Variants in MATN2 observed in about 807,000 individuals in gnomAD.
MATN2 encodes the protein matrilin 2.
In MATN2, 69 loss-of-function variants were observed where a neutral mutation model predicts 103.2. The ratio of observed to expected loss-of-function variants is 0.67; its 90% CI spans 0.55 to 0.82. The LOEUF is 0.82. MATN2 is among the 40% of genes least tolerant of loss of function. The pLI is 0.00. For missense variants in MATN2, 1,023 were observed against 1,211.5 expected, an observed-to-expected ratio of 0.84 and a Z score of 2.31; for synonymous variants, 429 against 450.2, an observed-to-expected ratio of 0.95 and a Z score of 0.60.
chr8:97,888,031 C>T lies in MATN2; in HGVS notation c.-26-44C>T, dbSNP rs913521366. 31 of 1,560,568 alleles carry T rather than the reference C, an allele frequency of 2.0e-5. No individual in the cohort carries two copies. The East Asian group carries it at 4.4e-4, about 22-fold the overall frequency. On this transcript the variant is annotated intron_variant, in intron 1 of 18. Transcript: ENST00000254898. ...GCAGCTCCTGGAGTTCAGGGAGACC[C>T]GGAAATCTCACCCTGCCCTCTTCTT...
chr8:98,003,873 GC>G, intron 8 of MATN2, 90 bp downstream of exon 8: 1 of 1,484,268 alleles, frequency 6.7e-7, no homozygotes, highest in Non-Finnish European at 9.3e-7. Context: ...TATTTCTGGA[GC>G]CCACCGGGTT....
intron 2 of MATN2, among the ~76,000 whole-genome samples, chr8:97,901,730 T>C (rs1054987923): frequency 6.6e-6 from 1 of 152,186 alleles, no homozygotes; most frequent in Non-Finnish European, 1.5e-5. Context: ...TTGGTACAAA[T>C]TCCACGGCCT....
At chr8:98,024,674 G>A (rs1372909476) in intron 13 of MATN2, among the ~76,000 whole-genome samples, 1 of 152,260 alleles carries the variant, frequency 6.6e-6, no homozygotes, top group Admixed American at 6.5e-5. Context: ...TAAAGAGGAT[G>A]TAAGCAACAG....
chr8:98,005,594 C>T lies in MATN2; in HGVS notation c.1328-1511C>T, dbSNP rs1586148625. ...GGATCTAGTCAACTCTAAGAAAGTA[C>T]AAACCAAGCTGTTTCTGTCTCGCAG... On this transcript the variant is annotated intron_variant, in intron 8 of 18. Transcript: ENST00000254898. The surrounding 1 kb of genome is among the most constrained non-coding windows in gnomAD (Gnocchi z 4.6). 6.6e-6 allele frequency among the ~76,000 whole-genome samples: 1 copy of T among 152,278 alleles called. No homozygotes were observed. Among genetic ancestry groups the T allele is most frequent in the African/African-American group, 2.4e-5 (1 of 41,554 alleles).
At chr8:97,981,604 C>T (rs938551325) in intron 6 of MATN2, among the ~76,000 whole-genome samples, 1 of 152,150 alleles carries the variant, frequency 6.6e-6, no homozygotes, top group Non-Finnish European at 1.5e-5. Flanking sequence ...AGGACCACAG[C>T]AGGAGTTAGA....
At chr8:98,022,275 A>G (rs1457459042) in intron 13 of MATN2, among the ~76,000 whole-genome samples, 3 of 151,908 alleles carry the variant, frequency 2.0e-5, no homozygotes, top group Non-Finnish European at 4.4e-5. Flanking sequence ...TTTGTAAAAC[A>G]CTCTAACATA....
At chr8:97,945,018 T>G (rs906009218) in intron 4 of MATN2, among the ~76,000 whole-genome samples, 4 of 152,214 alleles carry the variant, frequency 2.6e-5, no homozygotes, top group Non-Finnish European at 5.9e-5. Flanking sequence ...TTTTTGAGCA[T>G]AAAAATGTGC....
chr8:97,873,637 CAT>C (rs1248747948), intron 1 of MATN2, among the ~76,000 whole-genome samples: 3 of 152,128 alleles, frequency 2.0e-5, no homozygotes, highest in African/African-American at 7.2e-5. Flanking sequence ...GCTGTTTTCA[CAT>C]GTCTTAAAGA....
At chr8:97,956,124 G>A (rs1462102848) in intron 4 of MATN2, among the ~76,000 whole-genome samples, 2 of 152,226 alleles carry the variant, frequency 1.3e-5, no homozygotes, top group African/African-American at 4.8e-5. Context: ...CTCCTGCAGA[G>A]CAGGGCTATC....
chr8:97,915,101 C>T (rs1308713700), intron 2 of MATN2, among the ~76,000 whole-genome samples: 1 of 152,176 alleles, frequency 6.6e-6, no homozygotes, highest in African/African-American at 2.4e-5. Context: ...ATCCTCCCGC[C>T]TCAGCCTCCC....
At chr8:97,902,923 T>G (rs1812499176) in intron 2 of MATN2, among the ~76,000 whole-genome samples, 2 of 152,208 alleles carry the variant, frequency 1.3e-5, no homozygotes, top group South Asian at 4.1e-4. Flanking sequence ...CCCAGCCTTC[T>G]TGGTGCAGAT....
At chr8:97,892,269 C>T (rs1017606352) in intron 2 of MATN2, among the ~76,000 whole-genome samples, 1 of 150,800 alleles carries the variant, frequency 6.6e-6, no homozygotes, top group Admixed American at 6.6e-5. Context: ...AAAAATTAGC[C>T]GGGTGTGGTG....
rs753123047 is a variant in MATN2 at position 97,930,974 on chromosome 8, G to A, written c.164G>A (p.Arg55Gln). The A allele has an allele frequency of 6.2e-6, 10 of 1,610,860 alleles. No individual in the cohort carries two copies. Among genetic ancestry groups the A allele is most frequent in the East Asian group, 4.5e-5 (2 of 44,838 alleles). Reference protein sequence around the residue: ...ALLESSCENKRADLVFIIDSS... With the variant: ...ALLESSCENKQADLVFIIDSS... ...CCAGAGAGTTCCTGTGAGAACAAGC[G>A]GGCAGACCTGGTTTTCATCATTGAC... is the stretch of plus-strand genomic sequence containing the variant. Residue 55 changes from arginine (R) to glutamine (Q), a missense_variant, in exon 3 of 19, where the codon CGG becomes CAG. Transcript: ENST00000254898.
Position 97,933,427 on chromosome 8 carries a change from T to C in MATN2, c.712+1905T>C, listed in dbSNP as rs145119092. On this transcript the variant is annotated intron_variant, in intron 3 of 18. Coordinates refer to ENST00000254898, the MANE Select transcript of MATN2 (RefSeq NM_002380.5). ...ATTCATTTGTGTTGGAAAATTTTAA[T>C]GGAGGGGTTCTTTTTATAAGCCTTC... is the stretch of plus-strand genomic sequence containing the variant. Among the ~76,000 whole-genome samples, 851 of 152,312 alleles carry C rather than the reference T, an allele frequency of 5.6e-3. 7 individuals are homozygous for C. The highest frequency in any genetic ancestry group is 0.019 in the African/African-American group (803 of 41,576).
At chr8:97,937,652 G>A (rs192184711) in intron 3 of MATN2, among the ~76,000 whole-genome samples, 20 of 132,534 alleles carry the variant, frequency 1.5e-4, no homozygotes, top group East Asian at 1.2e-3. Context: ...GCAGTGGCAC[G>A]ACCTCAGCTC....
intron 5 of MATN2, among the ~76,000 whole-genome samples, chr8:97,963,752 G>C (rs1020151940): frequency 6.6e-6 from 1 of 152,120 alleles, no homozygotes. Context: ...GGTCTCCTCC[G>C]TCAGATGATC....
intron 18 of MATN2, among the ~76,000 whole-genome samples, chr8:98,035,308 G>C (rs1814197673): frequency 6.6e-6 from 1 of 152,010 alleles, no homozygotes; most frequent in South Asian, 2.1e-4. Flanking sequence ...AGTGAGCCAA[G>C]ATCGCGCCAT....
chr8:98,019,850 G>A (rs2130425190), intron 12 of MATN2, among the ~76,000 whole-genome samples: 1 of 152,318 alleles, frequency 6.6e-6, no homozygotes, highest in Non-Finnish European at 1.5e-5. Flanking sequence ...TGATTTTTGG[G>A]AATTTCCTCA....
Position 97,994,552 on chromosome 8 carries a change from G to T in MATN2, c.1154G>T (p.Cys385Phe). The T allele has an allele frequency of 6.2e-7, 1 of 1,613,604 alleles. No homozygotes were observed. The highest frequency in any genetic ancestry group is 8.5e-7 in the Non-Finnish European group (1 of 1,179,742). The change falls in exon 7 of 19, where the codon TGC becomes TTC. Residue 385 changes from cysteine (C) to phenylalanine (F), a missense_variant. Transcript: ENST00000254898. ...ECVNTDDSYS[C>F]HCLKGFTLNP... is the part of the protein sequence containing the mutation. ...GTTAACACAGATGATTCCTATTCCT[G>T]CCACTGCCTGAAAGGCTTTACCCTG...
Sources: allele counts gnomAD v4.1 joint callset (sites outside exome capture counted in the v4.1 genomes callset), GRCh38; gene constraint gnomAD v4.1.1; non-coding constraint Gnocchi (gnomAD v3.1); transcripts MANE v1.5; gene names NCBI Gene and HGNC (gene_info 2026-07-23, HGNC 2026-07-21).